Variants in KCNG2 observed in about 807,000 individuals in gnomAD.
The protein encoded by KCNG2 is potassium voltage-gated channel modifier subfamily G member 2.
A neutral mutation model predicts 12.3 loss-of-function variants in KCNG2; 7 were observed. The observed-to-expected ratio is 0.57, with a 90% CI of 0.32 to 1.07. KCNG2 has a LOEUF of 1.07. KCNG2 is among the 50% of genes least tolerant of loss of function. KCNG2 has a pLI of 0.04. For missense variants in KCNG2, 703 were observed against 726.0 expected (o/e 0.97, Z 0.36); for synonymous variants, 414 against 351.4 (o/e 1.18, Z -1.99).
In KCNG2 at chr18:79,822,584, G is replaced by A. The variant is rs552797552; in HGVS notation, c.-115+24570G>A. ...CTCCCGAGTAGCTGGGGCCACAGGC[G>A]TGAGCCACCATGCCTGGCTAATTTT... is the stretch of plus-strand genomic sequence containing the variant. On this transcript the variant is annotated intron_variant, in intron 1 of 3. Coordinates refer to ENST00000316249, the MANE Select transcript of KCNG2 (RefSeq NM_012283.2). This position sits in a 1 kb window ranked among gnomAD's most constrained non-coding sequence, Gnocchi z 4.4. Among the ~76,000 whole-genome samples, 4 of 152,196 alleles carry A rather than the reference G, an allele frequency of 2.6e-5. No individual in the cohort carries two copies. Among genetic ancestry groups the A allele is most frequent in the Admixed American group, 2.0e-4 (3 of 15,284 alleles).
intron 1 of KCNG2, among the ~76,000 whole-genome samples, chr18:79,854,650 C>T (rs778138740): frequency 6.6e-6 from 1 of 151,742 alleles, no homozygotes; most frequent in Non-Finnish European, 1.5e-5. Context: ...CTCAGCCTCC[C>T]GAGTAGCTGG....
At chr18:79,801,770 G>A (rs1269113252) in intron 1 of KCNG2, among the ~76,000 whole-genome samples, 2 of 152,248 alleles carry the variant, frequency 1.3e-5, no homozygotes, top group Non-Finnish European at 2.9e-5. Context: ...GGCAAAGGCT[G>A]TGTGGTCCTA....
intron 1 of KCNG2, among the ~76,000 whole-genome samples, chr18:79,841,415 C>CGATA (rs1195771279): frequency 2.6e-5 from 4 of 152,024 alleles, no homozygotes; most frequent in Non-Finnish European, 5.9e-5. Flanking sequence ...TGGACTTTAT[C>CGATA]AAAATTCAAA....
At chr18:79,888,227 GACC>G (rs1010678093) in intron 3 of KCNG2, among the ~76,000 whole-genome samples, 6 of 152,192 alleles carry the variant, frequency 3.9e-5, no homozygotes, top group Non-Finnish European at 7.3e-5. Flanking sequence ...ACGCGGTGGG[GACC>G]ACGTTTGGGG....
At chr18:79,887,056 G>GGGGACGGGGACATGGGGACAC (rs1980544915) in intron 3 of KCNG2, among the ~76,000 whole-genome samples, 1 of 143,074 alleles carries the variant, frequency 7.0e-6, no homozygotes, top group Admixed American at 6.9e-5. Context: ...ATAGGGACGT[G>GGGGACGGGGACATGGGGACAC]GGGACAGGGA....
Position 79,822,837 on chromosome 18 carries a change from G to C in KCNG2, c.-115+24823G>C, listed in dbSNP as rs1005887859. 6.6e-6 allele frequency among the ~76,000 whole-genome samples: 1 copy of C among 152,200 alleles called. No homozygotes were observed. The highest frequency in any genetic ancestry group is 2.4e-5 in the African/African-American group (1 of 41,454). On this transcript the variant is annotated intron_variant, in intron 1 of 3. Coordinates refer to ENST00000316249, the MANE Select transcript of KCNG2 (RefSeq NM_012283.2). This position sits in a 1 kb window ranked among gnomAD's most constrained non-coding sequence, Gnocchi z 4.4. The stretch of plus-strand genomic sequence containing the variant: ...AAACACATTTTCCACAATTACCTGG[G>C]AGAGCCCTTGTCTCCCCACGCTTCC...
In KCNG2 at chr18:79,850,541, A is replaced by T. The variant is rs916344565; in HGVS notation, c.-114-5838A>T. 4.6e-5 allele frequency among the ~76,000 whole-genome samples: 7 copies of T among 152,350 alleles called. No homozygotes were observed. In the East Asian group the frequency reaches 1.3e-3, roughly 29 times the overall value. ...ATGAAGCCATCCAGAGTGTTTTCTC[A>T]TGACGTTCTCTTCTCTACCAGATCT... On this transcript the variant is annotated intron_variant, in intron 1 of 3. Transcript: ENST00000316249.
intron 3 of KCNG2, among the ~76,000 whole-genome samples, chr18:79,871,375 C>T (rs1395889501): frequency 2.0e-5 from 3 of 152,216 alleles, no homozygotes; most frequent in Non-Finnish European, 4.4e-5. Flanking sequence ...CCTGTCCCTA[C>T]AGCCGCAGGC....
intron 3 of KCNG2, among the ~76,000 whole-genome samples, chr18:79,880,570 G>A (rs1192889397): frequency 6.6e-6 from 1 of 152,104 alleles, no homozygotes; most frequent in Non-Finnish European, 1.5e-5. Flanking sequence ...CCAGAAACAT[G>A]TAAGAGGAGG....
At chr18:79,813,869 T>G (rs1466454459) in intron 1 of KCNG2, among the ~76,000 whole-genome samples, 2 of 152,118 alleles carry the variant, frequency 1.3e-5, no homozygotes, top group African/African-American at 4.8e-5. Flanking sequence ...AGGACCAAAG[T>G]TTGGAATATA....
At chr18:79,860,100 C>T (rs1979158468) in intron 2 of KCNG2, among the ~76,000 whole-genome samples, 1 of 152,134 alleles carries the variant, frequency 6.6e-6, no homozygotes, top group South Asian at 2.1e-4. Context: ...ATGGTGAAAG[C>T]AAGAACAAGG....
At chr18:79,829,276 CTG>C (rs1005075496) in intron 1 of KCNG2, among the ~76,000 whole-genome samples, 17 of 150,368 alleles carry the variant, frequency 1.1e-4, no homozygotes, top group Non-Finnish European at 1.5e-4. Flanking sequence ...GTGCATGTGT[CTG>C]TGTGTGTGTC....
At position 79,899,288 on chromosome 18, in the gene KCNG2, T is replaced by TGCGCTGCGC. The variant is rs762991868; in HGVS notation, c.875_883dup (p.Ala292_Arg294dup). Reference sequence around the variant, plus strand: ...CGGGGCTGGTGCTGCGGCTGCTGCGTGCGCTGCGCGTGCTCTACGTGATGC... The same window carrying TGCGCTGCGC: ...CGGGGCTGGTGCTGCGGCTGCTGCGTGCGCTGCGCGCGCTGCGCGTGCTCTACGTGATGC... On this transcript the variant is annotated inframe_insertion, in exon 4 of 4. Transcript: ENST00000316249. The TGCGCTGCGC allele has an allele frequency of 1.0e-5, 16 of 1,571,814 alleles. No homozygotes were observed. The highest frequency in any genetic ancestry group is 1.8e-5 in the Admixed American group (1 of 55,448).
chr18:79,807,083 G>A (rs1280479607), intron 1 of KCNG2, among the ~76,000 whole-genome samples: 1 of 152,180 alleles, frequency 6.6e-6, no homozygotes, highest in African/African-American at 2.4e-5. Flanking sequence ...GACCTCTGTG[G>A]AGGAGAAAAC....
At chr18:79,861,217 T>G (rs896362448) in intron 2 of KCNG2, among the ~76,000 whole-genome samples, 8 of 151,850 alleles carry the variant, frequency 5.3e-5, no homozygotes, top group Admixed American at 2.0e-4. Context: ...TGAAGCTGGA[T>G]TTATTTTGCT....
intron 3 of KCNG2, among the ~76,000 whole-genome samples, chr18:79,883,638 C>T (rs1413024906): frequency 6.6e-6 from 1 of 152,190 alleles, no homozygotes; most frequent in Non-Finnish European, 1.5e-5. Context: ...TGCTTGGGGA[C>T]CAACTCAGCA....
At chr18:79,813,779 C>T (rs1433388046) in intron 1 of KCNG2, among the ~76,000 whole-genome samples, 2 of 152,124 alleles carry the variant, frequency 1.3e-5, no homozygotes, top group East Asian at 1.9e-4. Flanking sequence ...TTAAAAACTG[C>T]CCTGCAAAAG....
intron 1 of KCNG2, among the ~76,000 whole-genome samples, chr18:79,856,169 A>G (rs2123055378): frequency 6.6e-6 from 1 of 152,342 alleles, no homozygotes; most frequent in East Asian, 1.9e-4. Context: ...ATACCTGATT[A>G]TCCACTTATT....
rs1485361039 is a variant in KCNG2, at chr18:79,863,659, G to A, written c.-9G>A. On this transcript the variant is annotated 5_prime_UTR_variant, in exon 3 of 4. Coordinates refer to ENST00000316249, the MANE Select transcript of KCNG2 (RefSeq NM_012283.2). ...GGCAGGAGCCCCTCGGTCCGGTCCGGCCCTGCGCATGGAGCCATGGCCCTG... is the reference window on the plus strand; with the variant it reads ...GGCAGGAGCCCCTCGGTCCGGTCCGACCCTGCGCATGGAGCCATGGCCCTG... 4.1e-6 allele frequency: 5 copies of A among 1,211,568 alleles called. No individual in the cohort carries two copies. The highest frequency in any genetic ancestry group is 5.1e-6 in the Non-Finnish European group (5 of 973,846). The allele number at this position is 1,211,568 out of a possible 1,614,324, so 75.1% of individuals were successfully genotyped here. A position where few individuals can be genotyped will look rare whatever the true frequency, so the allele number is the denominator to read the frequency against.
Sources: gnomAD v4.1 joint callset for allele counts (sites outside exome capture counted in the v4.1 genomes callset) on GRCh38, gnomAD v4.1.1 for gene constraint, Gnocchi (gnomAD v3.1) non-coding constraint, MANE v1.5 for transcripts, NCBI Gene and HGNC (gene_info 2026-07-23, HGNC 2026-07-21) for gene names.